The following CFAP46 variants were observed in gnomAD, a reference collection of about 807,000 sequenced individuals.
The protein encoded by CFAP46 is cilia- and flagella-associated protein 46.
A neutral mutation model predicts 325.7 loss-of-function variants in CFAP46; 245 were observed. The observed-to-expected ratio is 0.75, with a 90% CI of 0.68 to 0.84. CFAP46 has a LOEUF of 0.84. Ranked by LOEUF, CFAP46 falls within the 40% of genes least tolerant of loss-of-function variation. CFAP46 has a pLI of 0.00. For synonymous variants in CFAP46, 1,523 were observed against 1,495.9 expected (o/e 1.02, Z -0.42); for missense variants, 3,346 against 3,543.0 (o/e 0.94, Z 1.41).
rs577928875 is a variant in CFAP46 at position 132,875,968 on chromosome 10, AT to A, written c.4362+843del. Among the ~76,000 whole-genome samples the A allele has an allele frequency of 1.2e-4, 18 of 152,376 alleles. 1 individual carries two copies. In the South Asian group the frequency reaches 3.5e-3, roughly 30 times the overall value. ...AAGTGGAGGCAGATCTGCTGGTCAC[AT>A]GGCTGCTCATGTGATTTTCCAGAAT... is the stretch of plus-strand genomic sequence containing the variant. On this transcript the variant is annotated intron_variant, in intron 31 of 57. Coordinates refer to ENST00000368586, the MANE Select transcript of CFAP46 (RefSeq NM_001200049.3).
chr10:132,890,190 A>G (rs1487103835), intron 25 of CFAP46, among the ~76,000 whole-genome samples: 1 of 151,934 alleles, frequency 6.6e-6, no homozygotes, highest in Non-Finnish European at 1.5e-5. Context: ...CACATTCTGA[A>G]GGGGTCTGGG....
intron 25 of CFAP46, among the ~76,000 whole-genome samples, chr10:132,892,126 C>T (rs1390603269): frequency 2.6e-5 from 4 of 152,184 alleles, no homozygotes; most frequent in Non-Finnish European, 5.9e-5. Flanking sequence ...CTTCATTGCA[C>T]GTTGAAAGGG....
intron 32 of CFAP46, chr10:132,872,447 TGGGG>T: frequency 7.6e-6 from 4 of 525,128 alleles, no homozygotes; most frequent in Admixed American, 6.4e-5. Context: ...TTTGTAGAGA[TGGGG>T]TCTTGCTATG....
intron 39 of CFAP46, among the ~76,000 whole-genome samples, chr10:132,852,048 CGTG>C: frequency 6.6e-6 from 1 of 151,832 alleles, no homozygotes; most frequent in African/African-American, 2.4e-5. Flanking sequence ...GATCCACAGA[CGTG>C]GTATGTTCCT....
intron 9 of CFAP46, among the ~76,000 whole-genome samples, chr10:132,928,393 A>C (rs1475827076): frequency 6.6e-6 from 1 of 152,210 alleles, no homozygotes; most frequent in Non-Finnish European, 1.5e-5. Flanking sequence ...CGCTGCTCCC[A>C]TCCTCCGTGC....
At chr10:132,861,399 T>C (rs910994752) in intron 35 of CFAP46, among the ~76,000 whole-genome samples, 27 of 152,254 alleles carry the variant, frequency 1.8e-4, no homozygotes, top group African/African-American at 6.3e-4. Context: ...TTTGTCTCCC[T>C]CTGCCTGAGC....
chr10:132,885,762 G>GTGTGGGGAGCACTCACAGGCGT (rs1849117066), intron 26 of CFAP46, 59 bp downstream of exon 26: 95 of 1,490,608 alleles, frequency 6.4e-5, no homozygotes, highest in Non-Finnish European at 8.2e-5. Context: ...CTCACAGGCG[G>GTGTGGGGAGCACTCACAGGCGT]TGGGGGGAGC....
At position 132,879,424 on chromosome 10, in the gene CFAP46, A is replaced by G; in HGVS notation, c.4005+2T>C. 6.6e-7 allele frequency: 1 copy of G among 1,507,474 alleles called. No homozygotes were observed. The highest frequency in any genetic ancestry group is 8.9e-7 in the Non-Finnish European group (1 of 1,124,098). The allele number at this position is 1,507,474 out of a possible 1,614,324, so 93.4% of individuals were successfully genotyped here. ...AGCAGGGGAGTCTGCGCTGGGCCTC[A>G]CCTGCCAGATGTGCCTGAAGAAGGC... On this transcript the variant is annotated splice_donor_variant, in intron 29 of 57. Coordinates refer to ENST00000368586, the MANE Select transcript of CFAP46 (RefSeq NM_001200049.3). LOFTEE classifies it high-confidence loss of function.
intron 50 of CFAP46, among the ~76,000 whole-genome samples, chr10:132,824,487 G>A (rs1357058732): frequency 7.9e-5 from 8 of 101,356 alleles, no homozygotes; most frequent in Non-Finnish European, 1.2e-4. Context: ...TGCTGTGTGC[G>A]CTGTGTGCTG....
At position 132,912,125 on chromosome 10, in the gene CFAP46, C is replaced by CA. The variant is rs1381185903; in HGVS notation, c.2499+529_2499+530insT. Among the ~76,000 whole-genome samples the CA allele has an allele frequency of 5.8e-4, 30 of 51,928 alleles. 1 individual carries two copies. The highest frequency in any genetic ancestry group is 1.0e-3 in the Non-Finnish European group (24 of 22,958). The allele number at this position is 51,928 out of a possible 152,430, so 34.1% of individuals were successfully genotyped here. A position where few individuals can be genotyped will look rare whatever the true frequency, so the allele number is the denominator to read the frequency against. ...TCCCTGCTCTCTCCCTCCACCCCCA[C>CA]CCCCCCACCCCCACATCTCTCTCTC... On this transcript the variant is annotated intron_variant, in intron 19 of 57. Coordinates refer to ENST00000368586, the MANE Select transcript of CFAP46 (RefSeq NM_001200049.3).
rs1370858673 is a variant in CFAP46, at chr10:132,808,506, T to C, written c.8063A>G (p.Asp2688Gly). ...CGCCGCCAAGGGGAGGCCGCCCTTG[T>C]CCTGGCCCCGGGAAGAGACGCAGCT... ...GWSCVSSRGQ[D>G]KGGLPLAALV... The change falls in exon 58 of 58, where the codon GAC becomes GGC. Residue 2688 changes from aspartate to glycine, a missense_variant. By Grantham distance (94) the Asp-to-Gly change is moderately conservative (BLOSUM62 -1). Coordinates refer to ENST00000368586, the MANE Select transcript of CFAP46 (RefSeq NM_001200049.3). The surrounding 1 kb of genome is among the most constrained non-coding windows in gnomAD (Gnocchi z 6.8). 1 of 1,613,186 alleles carries C rather than the reference T, an allele frequency of 6.2e-7. No homozygotes were observed. The highest frequency in any genetic ancestry group is 8.5e-7 in the Non-Finnish European group (1 of 1,180,012).
chr10:132,870,523 TG>T (rs571428309), intron 32 of CFAP46, among the ~76,000 whole-genome samples: 29 of 152,236 alleles, frequency 1.9e-4, no homozygotes, highest in African/African-American at 6.7e-4. Context: ...AGGGAACATA[TG>T]AATACAAATG....
In CFAP46 at chr10:132,851,286, G is replaced by A. The variant is rs1169727672; in HGVS notation, c.5594C>T (p.Pro1865Leu). 1.2e-6 allele frequency: 2 copies of A among 1,613,864 alleles called. No individual in the cohort carries two copies. The stretch of plus-strand genomic sequence containing the variant: ...GAGGCGCGCCAGCTTCCTCATCAGG[G>A]GCGTGTTGACGTTCTGCAACTGAGG... ...SLQDLQNVNT[P>L]LMRKLARLKL... Residue 1865 changes from proline (P) to leucine (L), a missense_variant, in exon 40 of 58, where the codon CCC becomes CTC. Pro to Leu is a moderately conservative substitution (Grantham distance 98). Coordinates refer to ENST00000368586, the MANE Select transcript of CFAP46 (RefSeq NM_001200049.3).
At chr10:132,816,803 G>C (rs1226919918) in intron 50 of CFAP46, among the ~76,000 whole-genome samples, 2 of 152,146 alleles carry the variant, frequency 1.3e-5, no homozygotes, top group Non-Finnish European at 2.9e-5. Flanking sequence ...GAGATATTTA[G>C]AAGTGAGCTG....
rs753773850 is a variant in CFAP46, at chr10:132,867,523, C to T, written c.4611-16G>A. 85 of 1,548,540 alleles carry T rather than the reference C, an allele frequency of 5.5e-5. 3 individuals carry two copies. The South Asian group carries it at 9.4e-4, about 17-fold the overall frequency. ...TTTTCTGCAGCTAATGCGAGGAAAA[C>T]AGACAATACGCAAGAGCCACATGGC... On this transcript the variant is annotated splice_polypyrimidine_tract_variant and intron_variant, in intron 33 of 57. Coordinates refer to ENST00000368586, the MANE Select transcript of CFAP46 (RefSeq NM_001200049.3).
chr10:132,912,669 T>C lies in CFAP46; in HGVS notation c.2485A>G (p.Lys829Glu). 1 of 1,548,794 alleles carries C rather than the reference T, an allele frequency of 6.5e-7. No homozygotes were observed. The change falls in exon 19 of 58, where the codon AAA becomes GAA. Residue 829 changes from lysine to glutamate, a missense_variant. By Grantham distance (56) the Lys-to-Glu change is moderately conservative (BLOSUM62 1). Transcript: ENST00000368586. ...GGAGGTGGTACCTCCACCGCTGTTTTGATCTCGGAAGTGGCTCCTGCGTCC... is the reference window on the plus strand; with the variant it reads ...GGAGGTGGTACCTCCACCGCTGTTTCGATCTCGGAAGTGGCTCCTGCGTCC... ...PLDAGATSEI[K>E]TAVEVCEFAL...
intron 8 of CFAP46, among the ~76,000 whole-genome samples, chr10:132,931,106 A>C (rs1849893186): frequency 3.9e-5 from 2 of 50,928 alleles, no homozygotes; most frequent in Non-Finnish European, 7.3e-5. Flanking sequence ...CACACTCCCC[A>C]CGCAGAGCCT....
intron 45 of CFAP46, 47 bp downstream of exon 45, chr10:132,836,770 C>T (rs758509231): frequency 1.3e-6 from 2 of 1,512,456 alleles, no homozygotes; most frequent in East Asian, 2.3e-5. Flanking sequence ...CTCCCTGAGG[C>T]CTCTCAGCGG....
chr10:132,834,113 G>T lies in CFAP46; in HGVS notation c.6877C>A (p.Pro2293Thr). 1 of 1,614,096 alleles carries T rather than the reference G, an allele frequency of 6.2e-7. No homozygotes were observed. The highest frequency in any genetic ancestry group is 8.5e-7 in the Non-Finnish European group (1 of 1,179,990). ...TTCCCTGAATCGGCAACAACCGCAG[G>T]TGTCTGCACTCTGAAAGTCAGGTTA... ...LSLSKARVQT[P>T]AVVADSGKSK... Residue 2293 changes from proline to threonine, a missense_variant, in exon 49 of 58, where the codon CCT becomes ACT. Pro to Thr is a conservative substitution (Grantham distance 38, BLOSUM62 -1). Coordinates refer to ENST00000368586, the MANE Select transcript of CFAP46 (RefSeq NM_001200049.3).
Sources: gnomAD v4.1 joint callset for allele counts (sites outside exome capture counted in the v4.1 genomes callset) on GRCh38, gnomAD v4.1.1 for gene constraint, Gnocchi (gnomAD v3.1) non-coding constraint, MANE v1.5 for transcripts, NCBI Gene and HGNC (gene_info 2026-07-23, HGNC 2026-07-21) for gene names.